Variants in CLIC4 observed in about 807,000 individuals in gnomAD.
CLIC4 encodes chloride intracellular channel protein 4.
In CLIC4, 13 loss-of-function variants were observed where a neutral mutation model predicts 24.6. That is an observed-to-expected ratio of 0.53 (90% CI 0.34 to 0.84). The LOEUF (loss-of-function observed/expected upper bound fraction) is 0.84, where lower values mean the gene tolerates loss of function less well. CLIC4 is among the 40% of genes least tolerant of loss of function. The probability of loss-of-function intolerance (pLI) is 0.01; values close to 1 mark genes in which losing one functional copy is unlikely to be tolerated. For synonymous variants in CLIC4, 104 were observed against 111.3 expected, an observed-to-expected ratio of 0.93 and a Z score of 0.41; for missense variants, 227 against 301.7, an observed-to-expected ratio of 0.75 and a Z score of 1.83.
intron 1 of CLIC4, among the ~76,000 whole-genome samples, chr1:24,796,230 C>T (rs1429252536): frequency 1.3e-5 from 2 of 152,180 alleles, no homozygotes; most frequent in Admixed American, 6.5e-5. Flanking sequence ...TGCTCCTTCG[C>T]TAGGCTGGAG....
intron 2 of CLIC4, among the ~76,000 whole-genome samples, chr1:24,799,753 G>C (rs1278129823): frequency 7.8e-6 from 1 of 128,158 alleles, no homozygotes; most frequent in Non-Finnish European, 1.7e-5. Flanking sequence ...GAGGTGGGGG[G>C]GTCAGCCCCC....
rs377012321 is a variant in CLIC4, at chr1:24,826,090, TAC to T, written c.309-916_309-915del. ...TATTTTCCAGTTTGAAGAAGAAATA[TAC>T]ACAGAGTATGTGTGTTTTAAATCTA... On this transcript the variant is annotated intron_variant, in intron 3 of 5. Coordinates refer to ENST00000374379, the MANE Select transcript of CLIC4 (RefSeq NM_013943.3). Among the ~76,000 whole-genome samples the T allele has an allele frequency of 4.4e-3, 675 of 152,348 alleles. 3 individuals carry two copies. Among genetic ancestry groups the T allele is most frequent in the African/African-American group, 0.015 (630 of 41,572 alleles).
At chr1:24,759,218 T>G (rs979987959) in intron 1 of CLIC4, among the ~76,000 whole-genome samples, 1 of 152,356 alleles carries the variant, frequency 6.6e-6, no homozygotes, top group South Asian at 2.1e-4. Flanking sequence ...ATGTCCATTT[T>G]ATAGTTCAAG....
intron 1 of CLIC4, among the ~76,000 whole-genome samples, chr1:24,758,472 T>C (rs1325189598): frequency 6.6e-6 from 1 of 151,992 alleles, no homozygotes; most frequent in Non-Finnish European, 1.5e-5. Flanking sequence ...ATTTTTTTTT[T>C]TTTGAGGCAG....
intron 1 of CLIC4, among the ~76,000 whole-genome samples, chr1:24,761,270 G>A (rs976616237): frequency 6.6e-6 from 1 of 152,056 alleles, no homozygotes; most frequent in African/African-American, 2.4e-5. Flanking sequence ...TCATCTACTT[G>A]GAGAGGCATA....
chr1:24,755,142 A>G (rs1380191380), intron 1 of CLIC4, among the ~76,000 whole-genome samples: 1 of 150,060 alleles, frequency 6.7e-6, no homozygotes, highest in Non-Finnish European at 1.5e-5. Flanking sequence ...AAATTTTTGT[A>G]TTTTTAGTAG....
chr1:24,835,981 A>T (rs551906143), intron 4 of CLIC4, among the ~76,000 whole-genome samples: 2 of 152,358 alleles, frequency 1.3e-5, no homozygotes, highest in East Asian at 3.9e-4. Flanking sequence ...CTATCTGTCT[A>T]TCTATGAAAC....
chr1:24,830,249 C>A (rs1639826521), intron 4 of CLIC4, among the ~76,000 whole-genome samples: 1 of 152,034 alleles, frequency 6.6e-6, no homozygotes. Flanking sequence ...ATTTAGTGTT[C>A]TTTTTTCTAT....
At chr1:24,804,443 T>C in intron 2 of CLIC4, among the ~76,000 whole-genome samples, 1 of 90,714 alleles carries the variant, frequency 1.1e-5, no homozygotes, top group African/African-American at 4.6e-5. Context: ...GGTGTGTGTG[T>C]ATGTGTGGGT....
intron 1 of CLIC4, among the ~76,000 whole-genome samples, chr1:24,773,982 T>G (rs533821034): frequency 1.1e-4 from 17 of 152,254 alleles, no homozygotes; most frequent in African/African-American, 4.1e-4. Flanking sequence ...TTTAATTTTT[T>G]TTGTTGTATA....
At chr1:24,794,035 C>T (rs1179193257) in intron 1 of CLIC4, among the ~76,000 whole-genome samples, 1 of 152,162 alleles carries the variant, frequency 6.6e-6, no homozygotes, top group Non-Finnish European at 1.5e-5. Context: ...CGTTCTCTTC[C>T]AGCATTCCAG....
intron 1 of CLIC4, among the ~76,000 whole-genome samples, chr1:24,789,141 A>G (rs1466132505): frequency 2.6e-5 from 4 of 152,214 alleles, no homozygotes; most frequent in Non-Finnish European, 1.5e-5. Flanking sequence ...TCTATAGAAT[A>G]AATTTCTAGA....
At chr1:24,753,779 G>A (rs773637602) in intron 1 of CLIC4, among the ~76,000 whole-genome samples, 1 of 152,238 alleles carries the variant, frequency 6.6e-6, no homozygotes. Flanking sequence ...TAACTTTTCA[G>A]TGGCACTTGG....
intron 1 of CLIC4, among the ~76,000 whole-genome samples, chr1:24,768,903 CAA>C (rs71032856): frequency 8.6e-4 from 92 of 107,254 alleles, no homozygotes; most frequent in Admixed American, 1.0e-3. Context: ...TCTGCCTCAC[CAA>C]AAAAAAAAAA....
intron 1 of CLIC4, among the ~76,000 whole-genome samples, chr1:24,774,937 G>A (rs1639115387): frequency 2.0e-5 from 3 of 152,262 alleles, no homozygotes; most frequent in African/African-American, 7.2e-5. Context: ...TGGATGTGGT[G>A]GCGCATGCCT....
Position 24,825,338 on chromosome 1 carries a change from A to G in CLIC4, c.309-1672A>G, listed in dbSNP as rs1639777447. Among the ~76,000 whole-genome samples the G allele has an allele frequency of 3.3e-5, 5 of 152,322 alleles. No individual in the cohort carries two copies. In the South Asian group the frequency reaches 1.0e-3, roughly 32 times the overall value. On this transcript the variant is annotated intron_variant, in intron 3 of 5. Coordinates refer to ENST00000374379, the MANE Select transcript of CLIC4 (RefSeq NM_013943.3). ...GAGTCAATGATGGTCCTGTATCACAAGCAGTACAAACATTTAAACTGGAGG... is the reference window on the plus strand; with the variant it reads ...GAGTCAATGATGGTCCTGTATCACAGGCAGTACAAACATTTAAACTGGAGG...
At chr1:24,803,088 G>A (rs948284366) in intron 2 of CLIC4, among the ~76,000 whole-genome samples, 1 of 152,152 alleles carries the variant, frequency 6.6e-6, no homozygotes, top group African/African-American at 2.4e-5. Flanking sequence ...AAGAAAGTGA[G>A]CATTGGTTCA....
intron 1 of CLIC4, among the ~76,000 whole-genome samples, chr1:24,780,637 A>G (rs1037362552): frequency 1.3e-5 from 2 of 152,202 alleles, no homozygotes; most frequent in Non-Finnish European, 2.9e-5. Context: ...ATCATGATTA[A>G]TTGTTAAATA....
At chr1:24,839,119 T>C (rs1639913989) in intron 4 of CLIC4, among the ~76,000 whole-genome samples, 1 of 152,216 alleles carries the variant, frequency 6.6e-6, no homozygotes, top group South Asian at 2.1e-4. Flanking sequence ...TTAACACATT[T>C]CTTACTGATA....
Sources: allele counts gnomAD v4.1 joint callset (sites outside exome capture counted in the v4.1 genomes callset), GRCh38; gene constraint gnomAD v4.1.1; transcripts MANE v1.5; gene names NCBI Gene and HGNC (gene_info 2026-07-23, HGNC 2026-07-21).